TENM2: variants seen among roughly 807,000 people sequenced by gnomAD.
TENM2 encodes the protein teneurin transmembrane protein 2.
A neutral mutation model predicts 245.2 loss-of-function variants in TENM2; 52 were observed. That is an observed-to-expected ratio of 0.21 (90% confidence interval 0.17 to 0.27). TENM2 has a LOEUF of 0.27. Among genes scored for constraint, TENM2 ranks in the 10% least tolerant of loss-of-function variants. The pLI is 1.00. For synonymous variants in TENM2, 1,363 were observed against 1,438.9 expected (o/e 0.95, Z 1.19); for missense variants, 3,046 against 3,666.8 (o/e 0.83, Z 4.37).
At chr5:167,091,350 T>C in the TENM2 span, among the ~76,000 whole-genome samples, 7 of 152,338 alleles carry the variant, frequency 4.6e-5, no homozygotes, top group South Asian at 1.4e-3. Flanking sequence ...GTATCAATTT[T>C]AGCAGAGATT....
At chr5:167,944,653 A>G (rs1462754764) in intron 3 of TENM2, among the ~76,000 whole-genome samples, 2 of 152,136 alleles carry the variant, frequency 1.3e-5, no homozygotes, top group Non-Finnish European at 1.5e-5. Flanking sequence ...GTAGATTAAC[A>G]TTTGCCAGAG....
At chr5:167,887,034 G>C (rs989872413) in intron 3 of TENM2, among the ~76,000 whole-genome samples, 1 of 152,180 alleles carries the variant, frequency 6.6e-6, no homozygotes, top group Admixed American at 6.5e-5. Flanking sequence ...GAACAGAGAA[G>C]ATATCATGAC....
chr5:167,718,643 G>A (rs1246970929), intron 2 of TENM2, among the ~76,000 whole-genome samples: 1 of 152,092 alleles, frequency 6.6e-6, no homozygotes, highest in Non-Finnish European at 1.5e-5. Flanking sequence ...ATTGTATAGT[G>A]GAAAGAATAT....
At chr5:167,448,040 A>G (rs995949314) in intron 2 of TENM2, among the ~76,000 whole-genome samples, 1 of 152,184 alleles carries the variant, frequency 6.6e-6, no homozygotes, top group South Asian at 2.1e-4. Flanking sequence ...AAAAATGAAC[A>G]GTGGGATAAA....
chr5:168,158,986 CA>C (rs998047201), intron 12 of TENM2, among the ~76,000 whole-genome samples: 77 of 146,318 alleles, frequency 5.3e-4, no homozygotes, highest in African/African-American at 1.9e-3. Context: ...TATATACACA[CA>C]AAAAAAATCA....
the TENM2 span, among the ~76,000 whole-genome samples, chr5:167,168,582 C>G: frequency 1.3e-5 from 2 of 152,194 alleles, no homozygotes; most frequent in Non-Finnish European, 2.9e-5. Flanking sequence ...AGAATTCAAT[C>G]TTAAATTTTC....
intron 13 of TENM2, among the ~76,000 whole-genome samples, chr5:168,168,694 A>C (rs930477528): frequency 6.6e-6 from 1 of 152,066 alleles, no homozygotes; most frequent in African/African-American, 2.4e-5. Context: ...AAAAAAAAAA[A>C]AAAAAAAGAC....
chr5:167,982,862 G>T (rs188032999), intron 4 of TENM2, among the ~76,000 whole-genome samples: 25 of 152,140 alleles, frequency 1.6e-4, no homozygotes, highest in African/African-American at 5.8e-4. Context: ...AACCTAGAGG[G>T]TCCTTCCAGC....
chr5:167,824,105 G>T (rs954736426), intron 2 of TENM2, among the ~76,000 whole-genome samples: 1 of 152,214 alleles, frequency 6.6e-6, no homozygotes, highest in Non-Finnish European at 1.5e-5. Context: ...CAGAGGCATC[G>T]CCTGCTGCCT....
intron 5 of TENM2, among the ~76,000 whole-genome samples, chr5:168,024,134 T>A (rs996589361): frequency 1.3e-5 from 2 of 152,198 alleles, no homozygotes; most frequent in Non-Finnish European, 2.9e-5. Context: ...ATAATTGGGC[T>A]CATCATACCC....
chr5:168,179,007 T>C (rs4246813), intron 13 of TENM2, among the ~76,000 whole-genome samples: 124,099 of 151,918 alleles, frequency 0.82, 50,942 homozygotes, highest in East Asian at 0.93. Flanking sequence ...TGGTGAAGGG[T>C]GCCTGTAATC....
the TENM2 span, among the ~76,000 whole-genome samples, chr5:167,195,214 C>A: frequency 6.6e-6 from 1 of 152,012 alleles, no homozygotes; most frequent in African/African-American, 2.4e-5. Flanking sequence ...CTGCTAACAT[C>A]TGCATTTTAA....
At chr5:168,192,312 T>C (rs1443982389) in intron 14 of TENM2, among the ~76,000 whole-genome samples, 1 of 152,166 alleles carries the variant, frequency 6.6e-6, no homozygotes, top group African/African-American at 2.4e-5. Context: ...GTTGATCTAA[T>C]AGCGACTGAA....
chr5:167,093,306 C>T, the TENM2 span, among the ~76,000 whole-genome samples: 1 of 152,164 alleles, frequency 6.6e-6, no homozygotes, highest in Non-Finnish European at 1.5e-5. Context: ...ATTTTAGGTC[C>T]TTTCTTCTCC....
intron 2 of TENM2, among the ~76,000 whole-genome samples, chr5:167,463,169 T>C (rs1490084263): frequency 6.6e-6 from 1 of 152,190 alleles, no homozygotes; most frequent in African/African-American, 2.4e-5. Flanking sequence ...GAGACTTAAG[T>C]TTCAAAACAG....
intron 2 of TENM2, among the ~76,000 whole-genome samples, chr5:167,536,939 G>A (rs1371137681): frequency 1.3e-5 from 2 of 151,894 alleles, no homozygotes; most frequent in Non-Finnish European, 2.9e-5. Flanking sequence ...CAGGAGAATC[G>A]CTTGAACCCG....
chr5:168,132,862 T>A (rs1223637784), intron 12 of TENM2, among the ~76,000 whole-genome samples: 1 of 152,210 alleles, frequency 6.6e-6, no homozygotes, highest in South Asian at 2.1e-4. Flanking sequence ...CTAAAGATTT[T>A]CCATCAAAGG....
intron 2 of TENM2, among the ~76,000 whole-genome samples, chr5:167,820,140 C>G (rs1274951004): frequency 6.6e-6 from 1 of 152,022 alleles, no homozygotes; most frequent in South Asian, 2.1e-4. Flanking sequence ...GGCTCATTTG[C>G]TGTGGTGGCC....
At chr5:167,569,155 T>C (rs1774114316) in intron 2 of TENM2, among the ~76,000 whole-genome samples, 1 of 146,320 alleles carries the variant, frequency 6.8e-6, no homozygotes, top group Non-Finnish European at 1.5e-5. Flanking sequence ...AGCTACATCA[T>C]TCATATGTAA....
Sources: allele counts gnomAD v4.1 joint callset (sites outside exome capture counted in the v4.1 genomes callset), GRCh38; gene constraint gnomAD v4.1.1; transcripts MANE v1.5; gene names NCBI Gene and HGNC (gene_info 2026-07-23, HGNC 2026-07-21).